NWD2: variants seen among roughly 807,000 people sequenced by gnomAD.
NWD2 encodes the protein NACHT and WD repeat domain-containing protein 2.
NWD2 carries 37 observed loss-of-function variants against 132.7 expected under a neutral mutation model. The observed-to-expected ratio is 0.28, with a 90% CI of 0.21 to 0.37. The LOEUF (loss-of-function observed/expected upper bound fraction) is 0.37. Among genes scored for constraint, NWD2 ranks in the 10% least tolerant of loss-of-function variants. NWD2 has a pLI of 1.00. For synonymous variants in NWD2, 705 were observed against 803.0 expected, an observed-to-expected ratio of 0.88 and a Z score of 2.06; for missense variants, 1,592 against 2,122.4, an observed-to-expected ratio of 0.75 and a Z score of 4.91.
At chr4:37,320,033 G>C (rs1017919549) in intron 1 of NWD2, among the ~76,000 whole-genome samples, 3 of 152,168 alleles carry the variant, frequency 2.0e-5, no homozygotes, top group Non-Finnish European at 2.9e-5. Context: ...TAGTTTGATA[G>C]GAATAGCATT....
chr4:37,344,527 T>A (rs2109296151), intron 2 of NWD2, among the ~76,000 whole-genome samples: 1 of 152,240 alleles, frequency 6.6e-6, no homozygotes. Context: ...GCAAAACTAT[T>A]ACAAAAGACT....
At chr4:37,341,866 C>T (rs1177048632) in intron 2 of NWD2, among the ~76,000 whole-genome samples, 1 of 152,170 alleles carries the variant, frequency 6.6e-6, no homozygotes, top group African/African-American at 2.4e-5. Context: ...ATCAGATTTG[C>T]ATTTTTAAAA....
chr4:37,416,326 ATATATT>A (rs1300112924), intron 3 of NWD2, among the ~76,000 whole-genome samples: 1 of 151,938 alleles, frequency 6.6e-6, no homozygotes, highest in East Asian at 1.9e-4. Flanking sequence ...TTTTAAATAA[ATATATT>A]TATATACCTT....
chr4:37,253,003 C>T (rs1396311631), intron 1 of NWD2, among the ~76,000 whole-genome samples: 3 of 97,700 alleles, frequency 3.1e-5, no homozygotes, highest in East Asian at 3.3e-4. Context: ...TTACCACAAC[C>T]CCCCCCCCTT....
At chr4:37,278,402 G>A (rs1035821595) in intron 1 of NWD2, among the ~76,000 whole-genome samples, 2 of 152,180 alleles carry the variant, frequency 1.3e-5, no homozygotes, top group African/African-American at 4.8e-5. Flanking sequence ...ATCCACCACT[G>A]CAAGTCAGGT....
chr4:37,388,651 TATCATA>T (rs1720618325), intron 3 of NWD2, among the ~76,000 whole-genome samples: 1 of 147,514 alleles, frequency 6.8e-6, no homozygotes, highest in Non-Finnish European at 1.5e-5. Context: ...TAAATATATA[TATCATA>T]TATATCATAT....
At chr4:37,247,190 G>A (rs1717261267) in intron 1 of NWD2, among the ~76,000 whole-genome samples, 2 of 152,182 alleles carry the variant, frequency 1.3e-5, no homozygotes, top group Admixed American at 6.5e-5. Flanking sequence ...TTGGAGAGCG[G>A]ATGGCATATT....
intron 1 of NWD2, among the ~76,000 whole-genome samples, chr4:37,271,857 G>C (rs1717877175): frequency 6.6e-6 from 1 of 151,674 alleles, no homozygotes; most frequent in African/African-American, 2.4e-5. Context: ...ACTCTCTATA[G>C]TGTTTGTTGT....
chr4:37,308,462 G>A (rs927270250), intron 1 of NWD2, among the ~76,000 whole-genome samples: 1 of 152,182 alleles, frequency 6.6e-6, no homozygotes, highest in South Asian at 2.1e-4. Context: ...CCTGGTTTGG[G>A]AGCACTTGGA....
At chr4:37,333,150 G>T (rs1180469867) in intron 2 of NWD2, among the ~76,000 whole-genome samples, 1 of 152,180 alleles carries the variant, frequency 6.6e-6, no homozygotes, top group Non-Finnish European at 1.5e-5. Context: ...GAACCTGCCA[G>T]GGCTGAGGAC....
At chr4:37,422,691 T>C (rs2928289) in intron 3 of NWD2, among the ~76,000 whole-genome samples, 35,233 of 152,154 alleles carry the variant, frequency 0.23, 4,950 homozygotes, top group Middle Eastern at 0.31. Flanking sequence ...CTCTCACCTG[T>C]TTGATTCTCA....
At chr4:37,425,394 T>G (rs1252092328) in intron 3 of NWD2, among the ~76,000 whole-genome samples, 1 of 152,242 alleles carries the variant, frequency 6.6e-6, no homozygotes, top group Non-Finnish European at 1.5e-5. Context: ...TGTTGCTTTC[T>G]GCCTAGCTGA....
At chr4:37,339,118 A>C (rs1013197769) in intron 2 of NWD2, among the ~76,000 whole-genome samples, 1 of 152,204 alleles carries the variant, frequency 6.6e-6, no homozygotes, top group Non-Finnish European at 1.5e-5. Flanking sequence ...AGTCATGTCC[A>C]TCAAAGCCTG....
chr4:37,324,060 G>A (rs1479836337), intron 1 of NWD2, among the ~76,000 whole-genome samples: 1 of 152,072 alleles, frequency 6.6e-6, no homozygotes, highest in Non-Finnish European at 1.5e-5. Flanking sequence ...AAGGGAGAGG[G>A]ATGTGAGTTT....
At chr4:37,391,524 G>A (rs1720679057) in intron 3 of NWD2, among the ~76,000 whole-genome samples, 1 of 152,142 alleles carries the variant, frequency 6.6e-6, no homozygotes, top group Admixed American at 6.5e-5. Flanking sequence ...TAATTGTCTT[G>A]TTTAAATTAG....
chr4:37,288,833 A>G (rs1398847143), intron 1 of NWD2, among the ~76,000 whole-genome samples: 7 of 152,184 alleles, frequency 4.6e-5, no homozygotes, highest in Non-Finnish European at 7.4e-5. Context: ...TTTTAAAACC[A>G]GATCAACTGA....
intron 2 of NWD2, among the ~76,000 whole-genome samples, chr4:37,353,768 CT>C (rs1719816596): frequency 1.3e-5 from 2 of 151,972 alleles, no homozygotes; most frequent in African/African-American, 4.8e-5. Context: ...AGGTTCTTAG[CT>C]TTTTTGCATT....
chr4:37,386,838 A>G (rs1378433196), intron 3 of NWD2, among the ~76,000 whole-genome samples: 2 of 149,372 alleles, frequency 1.3e-5, no homozygotes, highest in Admixed American at 6.6e-5. Context: ...TGGTTGTGAA[A>G]GAGATTGGAA....
At chr4:37,412,901 A>C (rs1721190983) in intron 3 of NWD2, among the ~76,000 whole-genome samples, 1 of 152,238 alleles carries the variant, frequency 6.6e-6, no homozygotes, top group Non-Finnish European at 1.5e-5. Context: ...TATTTAATGA[A>C]TGGTGTTGGG....
Sources: allele counts gnomAD v4.1 joint callset (sites outside exome capture counted in the v4.1 genomes callset), GRCh38; gene constraint gnomAD v4.1.1; transcripts MANE v1.5; gene names NCBI Gene and HGNC (gene_info 2026-07-23, HGNC 2026-07-21).